LRRC37A2: variants seen among roughly 807,000 people sequenced by gnomAD.
The protein encoded by LRRC37A2 is leucine rich repeat containing 37 member A2.
LRRC37A2 carries 9 observed loss-of-function variants against 68.8 expected under a neutral mutation model. The observed-to-expected ratio is 0.13, with a 90% CI of 0.08 to 0.23. The LOEUF is 0.23. Ranked by LOEUF, LRRC37A2 falls within the 10% of genes least tolerant of loss-of-function variation. The pLI is 1.00. For synonymous variants in LRRC37A2, 63 were observed against 367.6 expected (o/e 0.17, Z 9.48); for missense variants, 168 against 950.4 (o/e 0.18, Z 10.82).
the LRRC37A2 span, among the ~76,000 whole-genome samples, chr17:46,771,878 G>GCCCGCCCCCGCCCCTGCC: frequency 2.1e-5 from 3 of 143,300 alleles, no homozygotes; most frequent in South Asian, 2.1e-4. Flanking sequence ...CCCCTCCGGC[G>GCCCGCCCCCGCCCCTGCC]CCCGCCCCCG....
the LRRC37A2 span, among the ~76,000 whole-genome samples, chr17:46,745,781 A>G: frequency 6.6e-6 from 1 of 152,228 alleles, no homozygotes; most frequent in Non-Finnish European, 1.5e-5. Context: ...TATGTTCCCA[A>G]GTTTGCCATT....
the LRRC37A2 span, chr17:46,932,516 G>A: frequency 1.7e-6 from 1 of 576,158 alleles, no homozygotes. Flanking sequence ...TGATCAGATA[G>A]AGACAGATGA....
At chr17:47,034,203 A>G in the LRRC37A2 span, among the ~76,000 whole-genome samples, 1 of 152,334 alleles carries the variant, frequency 6.6e-6, no homozygotes, top group South Asian at 2.1e-4. Flanking sequence ...GGAAACATAA[A>G]TATAAATAAA....
the LRRC37A2 span, among the ~76,000 whole-genome samples, chr17:46,815,548 G>C: frequency 6.6e-6 from 1 of 152,138 alleles, no homozygotes; most frequent in African/African-American, 2.4e-5. Context: ...CTGCCAGGCG[G>C]GGGGCTGGGT....
At chr17:46,857,638 T>C in the LRRC37A2 span, among the ~76,000 whole-genome samples, 1 of 152,226 alleles carries the variant, frequency 6.6e-6, no homozygotes, top group South Asian at 2.1e-4. Flanking sequence ...ATGGTTGATA[T>C]ATGCATAACT....
At chr17:46,881,780 CTT>C in the LRRC37A2 span, among the ~76,000 whole-genome samples, 1 of 152,350 alleles carries the variant, frequency 6.6e-6, no homozygotes, top group Non-Finnish European at 1.5e-5. Flanking sequence ...TGCTTTCTGT[CTT>C]TGCATTTGCA....
chr17:46,735,716 A>G, the LRRC37A2 span, among the ~76,000 whole-genome samples: 2 of 152,122 alleles, frequency 1.3e-5, no homozygotes, highest in Non-Finnish European at 2.9e-5. Context: ...AGGCTGAGAC[A>G]GGTGGATCAT....
chr17:47,017,113 C>A, the LRRC37A2 span: 2 of 1,580,932 alleles, frequency 1.3e-6, no homozygotes, highest in Non-Finnish European at 1.7e-6. Context: ...TGGAGCAGAT[C>A]TGTGGCATAA....
chr17:46,992,787 A>C, the LRRC37A2 span, among the ~76,000 whole-genome samples: 2 of 129,464 alleles, frequency 1.5e-5, no homozygotes, highest in Non-Finnish European at 3.1e-5. Context: ...TGGGAGATAG[A>C]GTTTGCAGTG....
the LRRC37A2 span, among the ~76,000 whole-genome samples, chr17:46,754,818 A>G: frequency 6.6e-6 from 1 of 152,362 alleles, no homozygotes; most frequent in East Asian, 1.9e-4. Context: ...TACTACAAAG[A>G]AGAAACTATA....
the LRRC37A2 span, among the ~76,000 whole-genome samples, chr17:46,585,264 G>A: frequency 6.8e-6 from 1 of 147,598 alleles, no homozygotes. Context: ...GTTGCAGTGA[G>A]CTGAGATCGT....
At chr17:46,966,455 C>T in the LRRC37A2 span, 5 of 612,304 alleles carry the variant, frequency 8.2e-6, no homozygotes, top group East Asian at 1.2e-4. Flanking sequence ...TTAAGCAATC[C>T]TCCCATCTCA....
the LRRC37A2 span, chr17:46,876,832 G>A: frequency 7.0e-7 from 1 of 1,437,418 alleles, no homozygotes; most frequent in Non-Finnish European, 9.2e-7. Flanking sequence ...AAACCGGCAT[G>A]TGTGCCAATG....
chr17:46,803,383 A>G, the LRRC37A2 span, among the ~76,000 whole-genome samples: 1 of 152,078 alleles, frequency 6.6e-6, no homozygotes, highest in Non-Finnish European at 1.5e-5. Context: ...AAAATACAAA[A>G]CTTAGCCAGG....
chr17:46,832,737 C>T, the LRRC37A2 span: 2 of 152,528 alleles, frequency 1.3e-5, no homozygotes, highest in Admixed American at 6.5e-5. Flanking sequence ...CTTCCAATGT[C>T]GCAGCCACTT....
the LRRC37A2 span, among the ~76,000 whole-genome samples, chr17:46,991,962 C>T: frequency 6.6e-6 from 1 of 152,232 alleles, no homozygotes; most frequent in African/African-American, 2.4e-5. Context: ...TTGCTACTTC[C>T]TGGTTTATAA....
At chr17:46,961,560 G>A in the LRRC37A2 span, among the ~76,000 whole-genome samples, 1 of 152,138 alleles carries the variant, frequency 6.6e-6, no homozygotes, top group African/African-American at 2.4e-5. Context: ...CAAATGAAAA[G>A]TGTAGCAACA....
chr17:46,907,575 A>G, the LRRC37A2 span, among the ~76,000 whole-genome samples: 6 of 141,832 alleles, frequency 4.2e-5, no homozygotes, highest in African/African-American at 1.6e-4. Flanking sequence ...AAGGGCTCAC[A>G]CCTGTAGCTC....
At chr17:46,977,544 G>T in the LRRC37A2 span, among the ~76,000 whole-genome samples, 1 of 152,246 alleles carries the variant, frequency 6.6e-6, no homozygotes, top group Non-Finnish European at 1.5e-5. Flanking sequence ...GGAGGCGTGG[G>T]TTTCTGGGCA....
Sources: allele counts gnomAD v4.1 joint callset (sites outside exome capture counted in the v4.1 genomes callset), GRCh38; gene constraint gnomAD v4.1.1; transcripts MANE v1.5; gene names NCBI Gene and HGNC (gene_info 2026-07-23, HGNC 2026-07-21).